Variants in ITGAE observed in about 807,000 individuals in gnomAD.
ITGAE encodes integrin alpha-E.
A neutral mutation model predicts 136.5 loss-of-function variants in ITGAE; 99 were observed. The ratio of observed to expected loss-of-function variants is 0.73; its 90% CI spans 0.62 to 0.86. The LOEUF (loss-of-function observed/expected upper bound fraction) is 0.86. Among genes scored for constraint, ITGAE ranks in the 40% least tolerant of loss-of-function variants. ITGAE has a pLI of 0.00. For synonymous variants in ITGAE, 613 were observed against 591.8 expected, an observed-to-expected ratio of 1.04 and a Z score of -0.52; for missense variants, 1,447 against 1,515.3, an observed-to-expected ratio of 0.95 and a Z score of 0.75.
intron 1 of ITGAE, among the ~76,000 whole-genome samples, chr17:3,796,040 CGTGTGTGCATCT>C (rs2053078490): frequency 1.6e-5 from 1 of 63,420 alleles, no homozygotes; most frequent in African/African-American, 6.7e-5. Context: ...CGTGTGCATC[CGTGTGTGCATCT>C]GTGTGTGTGC....
chr17:3,743,575 T>G lies in ITGAE; in HGVS notation c.2362A>C (p.Ser788Arg). The change falls in exon 19 of 31, where the codon AGC becomes CGC. Residue 788 changes from serine to arginine, a missense_variant. Physicochemically the swap from Ser to Arg is moderately radical, Grantham distance 110. This residue lies in a region of ITGAE where 1,031 missense variants were observed against 1,011.4 expected (regional missense o/e 1.02). Coordinates refer to ENST00000263087, the MANE Select transcript of ITGAE (RefSeq NM_002208.5). ...DCFSNASVKV[S>R]YQLQTPEGQT... ...CCCTCAGGGGTCTGGAGCTGGTAGC[T>G]GACTTTGACACTGGCATTGGAGAAG... is the stretch of plus-strand genomic sequence containing the variant. 1 of 1,613,390 alleles carries G rather than the reference T, an allele frequency of 6.2e-7. No individual in the cohort carries two copies. The highest frequency in any genetic ancestry group is 8.5e-7 in the Non-Finnish European group (1 of 1,179,752).
In ITGAE at chr17:3,761,017, T is replaced by G; in HGVS notation, c.594A>C (p.Glu198Asp). Residue 198 changes from glutamate (E) to aspartate (D), a missense_variant, in exon 6 of 31, where the codon GAA (glutamate) becomes GAC (aspartate). Physicochemically the swap from Glu to Asp is conservative, Grantham distance 45. Around this residue, in one of 3 missense-constraint regions of ITGAE, gnomAD observed 310 missense variants for 416.1 expected, o/e 0.74. Coordinates refer to ENST00000263087, the MANE Select transcript of ITGAE (RefSeq NM_002208.5). ...KEEEEDEEEE[E>D]AGTEIAIILD... The stretch of plus-strand genomic sequence containing the variant: ...CCCAGATCTGCCTCTTCTCACCAGC[T>G]TCCTCCTCCTCCTCGTCTTCCTCCT... 6.2e-7 allele frequency: 1 copy of G among 1,600,576 alleles called. No homozygotes were observed. The highest frequency in any genetic ancestry group is 8.5e-7 in the Non-Finnish European group (1 of 1,179,048).
rs2051333335 is a variant in ITGAE at position 3,731,178 on chromosome 17, A to G, written c.2760T>C (p.His920=). The G allele has an allele frequency of 1.2e-6, 2 of 1,613,168 alleles. No individual in the cohort carries two copies. Among genetic ancestry groups the G allele is most frequent in the South Asian group, 1.1e-5 (1 of 91,070 alleles). Reference sequence around the variant, plus strand: ...CCTCTAGCTGCCAAACGACTGAAACATGAGCCTATTTTAAAGGGGGAAAAA... The same window carrying G: ...CCTCTAGCTGCCAAACGACTGAAACGTGAGCCTATTTTAAAGGGGGAAAAA... The part of the protein sequence containing the change: ...GHPVLKRSSA[H]VSVVWQLEEN... Residue 920 remains histidine, a synonymous_variant, in exon 23 of 31, where the codon CAT becomes CAC. Transcript: ENST00000263087.
chr17:3,757,254 TCTC>T (rs2052050788), intron 9 of ITGAE, 120 bp from the exon 10 acceptor site: 7 of 1,222,712 alleles, frequency 5.7e-6, no homozygotes, highest in South Asian at 1.5e-5. Context: ...TTCCTTCCTT[TCTC>T]CTCCTTTCCC....
At position 3,761,028 on chromosome 17, in the gene ITGAE, C is replaced by G. The variant is rs768048055; in HGVS notation, c.583G>C (p.Glu195Gln). ...CTCTTCTCACCAGCTTCCTCCTCCT[C>G]CTCGTCTTCCTCCTCCTCCTTGTCT... ...EEDKEEEEDE[E>Q]EEEAGTEIAI... The change falls in exon 6 of 31, where the codon GAG becomes CAG. Residue 195 changes from glutamate to glutamine, a missense_variant. This residue lies in a region of ITGAE where 310 missense variants were observed against 416.1 expected (regional missense o/e 0.74). Coordinates refer to ENST00000263087, the MANE Select transcript of ITGAE (RefSeq NM_002208.5). 1.2e-5 allele frequency: 19 copies of G among 1,603,786 alleles called. No individual in the cohort carries two copies. The Admixed American group carries it at 3.0e-4, about 25-fold the overall frequency.
At chr17:3,776,586 T>C (rs536928655) in intron 2 of ITGAE, among the ~76,000 whole-genome samples, 1 of 152,088 alleles carries the variant, frequency 6.6e-6, no homozygotes, top group Non-Finnish European at 1.5e-5. Context: ...AGTTTCAGGG[T>C]TTTTGTTCTG....
chr17:3,771,534 C>CT (rs71312930), intron 2 of ITGAE, among the ~76,000 whole-genome samples: 2,755 of 123,208 alleles, frequency 0.022, 34 homozygotes, highest in African/African-American at 0.03. Flanking sequence ...GCATTTTTCT[C>CT]TTTTTTTTTT....
chr17:3,744,356 T>C (rs2051661365), intron 18 of ITGAE, among the ~76,000 whole-genome samples: 1 of 152,112 alleles, frequency 6.6e-6, no homozygotes, highest in South Asian at 2.1e-4. Flanking sequence ...ATAGCTGCTA[T>C]GGTTCTTATC....
In ITGAE at chr17:3,740,241, G is replaced by A. The variant is rs28759053; in HGVS notation, c.2449-363C>T. Reference sequence around the variant, plus strand: ...GAGCATTCAGGGAGCAGACACCTACGCGAAGAGAAGCTTCCTTAGTCCTTT... The same window carrying A: ...GAGCATTCAGGGAGCAGACACCTACACGAAGAGAAGCTTCCTTAGTCCTTT... On this transcript the variant is annotated intron_variant, in intron 19 of 30. Coordinates refer to ENST00000263087, the MANE Select transcript of ITGAE (RefSeq NM_002208.5). Among the ~76,000 whole-genome samples, 993 of 152,322 alleles carry A rather than the reference G, an allele frequency of 6.5e-3. 15 individuals carry two copies. The highest frequency in any genetic ancestry group is 0.022 in the African/African-American group (928 of 41,566).
chr17:3,724,151 C>A, intron 26 of ITGAE: 1 of 1,594,854 alleles, frequency 6.3e-7, no homozygotes, highest in Admixed American at 1.7e-5. Flanking sequence ...CCGACTTCCC[C>A]GGCAGCCCGG....
At chr17:3,777,782 A>T in intron 1 of ITGAE, 122 bp from the exon 2 acceptor site, 2 of 1,173,896 alleles carry the variant, frequency 1.7e-6, no homozygotes, top group Non-Finnish European at 2.3e-6. Context: ...AGGGATCTTT[A>T]TGTGTGTGTG....
intron 10 of ITGAE, among the ~76,000 whole-genome samples, chr17:3,756,400 ATTTTTTTT>A (rs34579296): frequency 2.5e-5 from 3 of 119,384 alleles, no homozygotes; most frequent in Non-Finnish European, 5.3e-5. Context: ...CGCCTGGCTA[ATTTTTTTT>A]TTTTTTTTTT....
intron 17 of ITGAE, 102 bp from the exon 18 acceptor site, chr17:3,746,029 G>C (rs2051705203): frequency 4.8e-6 from 5 of 1,034,224 alleles, no homozygotes; most frequent in Non-Finnish European, 5.6e-6. Flanking sequence ...CTCCTGAACA[G>C]TGTCCCCATG....
intron 20 of ITGAE, among the ~76,000 whole-genome samples, chr17:3,738,598 C>T (rs1191359885): frequency 6.6e-6 from 1 of 152,210 alleles, no homozygotes; most frequent in Non-Finnish European, 1.5e-5. Flanking sequence ...CTGCGCTGCC[C>T]AACACCACCA....
chr17:3,777,437 G>C, intron 2 of ITGAE, 103 bp downstream of exon 2: 1 of 1,415,346 alleles, frequency 7.1e-7, no homozygotes, highest in Non-Finnish European at 9.6e-7. Flanking sequence ...TTCCTCTCCT[G>C]ACGGTGGGGT....
At chr17:3,725,053 C>G in intron 26 of ITGAE, 1 of 1,614,262 alleles carries the variant, frequency 6.2e-7, no homozygotes, top group Non-Finnish European at 8.5e-7. Context: ...CAGGACCTGA[C>G]TCCTTTACAG....
intron 1 of ITGAE, among the ~76,000 whole-genome samples, chr17:3,785,488 GAAGGAAGGAGGA>G (rs1226090462): frequency 7.4e-6 from 1 of 135,448 alleles, no homozygotes; most frequent in African/African-American, 2.9e-5. Context: ...AGGAAGGAAG[GAAGGAAGGAGGA>G]AGGAAGGAAG....
chr17:3,719,456 A>C (rs1290612963), intron 29 of ITGAE, among the ~76,000 whole-genome samples: 4 of 152,052 alleles, frequency 2.6e-5, no homozygotes, highest in Admixed American at 2.0e-4. Context: ...CAGATAGATC[A>C]CCTCTGAAGC....
chr17:3,750,358 A>G lies in ITGAE; in HGVS notation c.2018T>C (p.Val673Ala). Residue 673 changes from valine to alanine, a missense_variant, in exon 16 of 31, where the codon GTG becomes GCG. By Grantham distance (64) the Val-to-Ala change is moderately conservative. This residue lies in a region of ITGAE where 1,031 missense variants were observed against 1,011.4 expected (regional missense o/e 1.02). Coordinates refer to ENST00000263087, the MANE Select transcript of ITGAE (RefSeq NM_002208.5). Reference sequence around the variant, plus strand: ...AAGCAGGACAGAACCCTACCGGAACACAACCGCCTGGCCCAGAGTGCCCAC... The same window carrying G: ...AAGCAGGACAGAACCCTACCGGAACGCAACCGCCTGGCCCAGAGTGCCCAC... Reference protein sequence around the residue: ...ITVGTLGQAVVFRSRPVVRLK... With the variant: ...ITVGTLGQAVAFRSRPVVRLK... The G allele has an allele frequency of 6.2e-7, 1 of 1,614,070 alleles. No individual in the cohort carries two copies. The highest frequency in any genetic ancestry group is 8.5e-7 in the Non-Finnish European group (1 of 1,180,004).
Sources: allele counts gnomAD v4.1 joint callset (sites outside exome capture counted in the v4.1 genomes callset), GRCh38; gene constraint gnomAD v4.1.1; regional missense constraint gnomAD v4.1.1; transcripts MANE v1.5; gene names NCBI Gene and HGNC (gene_info 2026-07-23, HGNC 2026-07-21).